Variants in GALM observed in about 807,000 individuals in gnomAD.
GALM encodes galactose mutarotase.
Under a neutral mutation model 37.4 loss-of-function variants are expected in GALM, and 43 were observed. That is an observed-to-expected ratio of 1.15 (90% confidence interval 0.90 to 1.48). The LOEUF (loss-of-function observed/expected upper bound fraction) is 1.48, where lower values mean the gene tolerates loss of function less well. GALM is among the 40% of genes most tolerant of loss of function. GALM has a pLI of 0.00. For missense variants in GALM, 456 were observed against 419.1 expected (o/e 1.09, Z -0.77); for synonymous variants, 199 against 170.6 (o/e 1.17, Z -1.30).
chr2:38,673,883 T>G (rs1665176316), intron 1 of GALM, among the ~76,000 whole-genome samples: 1 of 151,614 alleles, frequency 6.6e-6, no homozygotes, highest in Non-Finnish European at 1.5e-5. Flanking sequence ...TGGAGCAATC[T>G]GAAGATATTT....
intron 4 of GALM, among the ~76,000 whole-genome samples, chr2:38,695,752 G>A (rs1351019056): frequency 6.6e-6 from 1 of 152,132 alleles, no homozygotes; most frequent in Non-Finnish European, 1.5e-5. Flanking sequence ...GGAGTGCAGT[G>A]GCTCGATCTC....
chr2:38,666,224 GT>G lies in GALM; in HGVS notation c.65del (p.Phe22SerfsTer8), dbSNP rs1404788433. ...CCTCGGGAGGAGGGACAGTGGAGAA[GT>G]TCCAGCTGCAGTCAGACCTCTTGAG... ...LPSGGGTVEK[F>X]QLQSDLLRVD... On this transcript the variant is annotated frameshift_variant, in exon 1 of 7. Coordinates refer to ENST00000272252, the MANE Select transcript of GALM (RefSeq NM_138801.3). LOFTEE classifies it high-confidence loss of function. The G allele has an allele frequency of 6.2e-7, 1 of 1,614,006 alleles. No homozygotes were observed. Among genetic ancestry groups the G allele is most frequent in the Non-Finnish European group, 8.5e-7 (1 of 1,180,000 alleles).
chr2:38,706,127 C>T (rs1666032574), intron 4 of GALM, among the ~76,000 whole-genome samples: 1 of 151,948 alleles, frequency 6.6e-6, no homozygotes, highest in South Asian at 2.1e-4. Flanking sequence ...TGCTTTACCT[C>T]CCAAGTAGCT....
chr2:38,676,709 G>A (rs1353447402), intron 2 of GALM, among the ~76,000 whole-genome samples: 1 of 152,208 alleles, frequency 6.6e-6, no homozygotes, highest in African/African-American at 2.4e-5. Flanking sequence ...GTTACAGTGA[G>A]CTGAGATCAC....
chr2:38,724,348 C>T (rs1008176297), intron 4 of GALM, among the ~76,000 whole-genome samples: 40 of 151,724 alleles, frequency 2.6e-4, no homozygotes, highest in African/African-American at 8.9e-4. Flanking sequence ...ATAATGAGAA[C>T]AAAGAAAAAA....
intron 4 of GALM, among the ~76,000 whole-genome samples, chr2:38,705,189 C>A (rs377159307): frequency 7.9e-5 from 12 of 152,308 alleles, no homozygotes; most frequent in Admixed American, 3.9e-4. Context: ...CAGCCCAGGT[C>A]TGGACAAGGG....
intron 4 of GALM, among the ~76,000 whole-genome samples, chr2:38,708,668 G>A (rs781656476): frequency 4.6e-5 from 7 of 150,980 alleles, no homozygotes; most frequent in Non-Finnish European, 1.0e-4. Context: ...AGGCGGAGCT[G>A]GCAGTGAGCA....
At chr2:38,695,412 G>A (rs1665782637) in intron 4 of GALM, among the ~76,000 whole-genome samples, 2 of 152,366 alleles carry the variant, frequency 1.3e-5, no homozygotes, top group East Asian at 1.9e-4. Flanking sequence ...GCTATCTGGA[G>A]CAGTCCCTTA....
chr2:38,704,790 G>C (rs1469242151), intron 4 of GALM, among the ~76,000 whole-genome samples: 1 of 152,066 alleles, frequency 6.6e-6, no homozygotes, highest in Non-Finnish European at 1.5e-5. Context: ...TTTATTGTAT[G>C]ATAGGTCCCT....
In GALM at chr2:38,689,123, T is replaced by A. The variant is rs1341744778; in HGVS notation, c.553-690T>A. Among the ~76,000 whole-genome samples the A allele has an allele frequency of 2.0e-5, 3 of 152,130 alleles. No homozygotes were observed. In the East Asian group the frequency reaches 5.8e-4, roughly 29 times the overall value. On this transcript the variant is annotated intron_variant, in intron 3 of 6. Coordinates refer to ENST00000272252, the MANE Select transcript of GALM (RefSeq NM_138801.3). The stretch of plus-strand genomic sequence containing the variant: ...GCATGAGCCACCGCGCCCGGCCTCA[T>A]TAGCCCAATTTTAAACCAAAGGAAA...
chr2:38,683,582 T>C (rs1390989837), intron 3 of GALM, among the ~76,000 whole-genome samples: 3 of 152,150 alleles, frequency 2.0e-5, no homozygotes, highest in African/African-American at 4.8e-5. Flanking sequence ...CTTTTTTTTT[T>C]TGAGGTGGAG....
chr2:38,689,892 C>T lies in GALM; in HGVS notation c.632C>T (p.Thr211Ile). 6.3e-7 allele frequency: 1 copy of T among 1,595,092 alleles called. No individual in the cohort carries two copies. Among genetic ancestry groups the T allele is most frequent in the Non-Finnish European group, 8.6e-7 (1 of 1,164,362 alleles). The change falls in exon 4 of 7, where the codon ACA (threonine) becomes ATA (isoleucine). Residue 211 changes from threonine (T) to isoleucine (I), a missense_variant and splice_region_variant. Transcript: ENST00000272252. The stretch of plus-strand genomic sequence containing the variant: ...CCTGTGGATGAAACCCTGATTCCTA[C>T]AGGTTGGTGAATTTAACCTTTTTGT... ...YLPVDETLIP[T>I]GEVAPVQGTA...
intron 4 of GALM, among the ~76,000 whole-genome samples, chr2:38,704,970 C>T (rs1444179721): frequency 1.3e-5 from 2 of 152,166 alleles, no homozygotes; most frequent in African/African-American, 4.8e-5. Context: ...TACTGGAAAA[C>T]ACATTACTGT....
At chr2:38,704,010 T>A (rs1665983554) in intron 4 of GALM, among the ~76,000 whole-genome samples, 1 of 150,860 alleles carries the variant, frequency 6.6e-6, no homozygotes. Context: ...GGAGAAACGC[T>A]GTCTCAAAAA....
intron 3 of GALM, among the ~76,000 whole-genome samples, chr2:38,683,327 C>T (rs946380486): frequency 3.9e-5 from 6 of 152,140 alleles, no homozygotes; most frequent in South Asian, 2.1e-4. Context: ...CCCAAAAGCG[C>T]GGTCAATGAA....
chr2:38,707,989 C>T (rs1666074859), intron 4 of GALM, among the ~76,000 whole-genome samples: 2 of 152,050 alleles, frequency 1.3e-5, no homozygotes, highest in Non-Finnish European at 2.9e-5. Context: ...CACCTGTAAT[C>T]CAAGCTGCTC....
At chr2:38,717,938 G>A (rs933317002) in intron 4 of GALM, among the ~76,000 whole-genome samples, 1 of 151,244 alleles carries the variant, frequency 6.6e-6, no homozygotes, top group Non-Finnish European at 1.5e-5. Context: ...GGGCTTAAAC[G>A]ATCTTCCCAC....
chr2:38,674,191 C>CTT (rs202079509), intron 1 of GALM, among the ~76,000 whole-genome samples: 9 of 134,462 alleles, frequency 6.7e-5, no homozygotes, highest in Admixed American at 7.5e-5. Flanking sequence ...ACAGCTTATA[C>CTT]TTTTTTTTTT....
intron 4 of GALM, among the ~76,000 whole-genome samples, chr2:38,725,397 G>T (rs1446548689): frequency 6.6e-6 from 1 of 151,784 alleles, no homozygotes; most frequent in African/African-American, 2.4e-5. Flanking sequence ...TTAGCCAGGG[G>T]TGCTGGTACA....
Sources: allele counts gnomAD v4.1 joint callset (sites outside exome capture counted in the v4.1 genomes callset), GRCh38; gene constraint gnomAD v4.1.1; transcripts MANE v1.5; gene names NCBI Gene and HGNC (gene_info 2026-07-23, HGNC 2026-07-21).